PXDNL: variants seen among roughly 807,000 people sequenced by gnomAD.
The protein encoded by PXDNL is probable oxidoreductase PXDNL.
PXDNL carries 145 observed loss-of-function variants against 150.8 expected under a neutral mutation model. That is an observed-to-expected ratio of 0.96 (90% CI 0.84 to 1.10). The LOEUF is 1.10. Among genes scored for constraint, PXDNL ranks in the 50% least tolerant of loss-of-function variants. The probability of loss-of-function intolerance (pLI) is 0.00; values close to 1 mark genes in which losing one functional copy is unlikely to be tolerated. For synonymous variants in PXDNL, 757 were observed against 725.7 expected (o/e 1.04, Z -0.69); for missense variants, 2,087 against 1,873.9 (o/e 1.11, Z -2.10).
At chr8:51,634,725 A>AT in intron 2 of PXDNL, among the ~76,000 whole-genome samples, 1 of 151,576 alleles carries the variant, frequency 6.6e-6, no homozygotes, top group South Asian at 2.1e-4. Flanking sequence ...TACATATTTT[A>AT]TTTTTTTGTG....
rs542266500 is a variant in PXDNL at position 51,470,561 on chromosome 8, G to A, written c.812+1626C>T. Among the ~76,000 whole-genome samples the A allele has an allele frequency of 1.0e-3, 154 of 152,120 alleles. 1 individual carries two copies. The highest frequency in any genetic ancestry group is 6.2e-4 in the South Asian group (3 of 4,824). ...ATAATATAATTGTCCAAGTGCTATCGTTGAATTGTATTAGGTATATAGTGC... is the reference window on the plus strand; with the variant it reads ...ATAATATAATTGTCCAAGTGCTATCATTGAATTGTATTAGGTATATAGTGC... On this transcript the variant is annotated intron_variant, in intron 8 of 22. Transcript: ENST00000356297.
At chr8:51,423,487 G>T in intron 14 of PXDNL, 88 bp downstream of exon 14, 2 of 1,066,214 alleles carry the variant, frequency 1.9e-6, no homozygotes, top group Non-Finnish European at 2.7e-6. Flanking sequence ...AAGAGAGCAT[G>T]ATTAGTGAGA....
intron 17 of PXDNL, among the ~76,000 whole-genome samples, chr8:51,390,197 G>T (rs1242760632): frequency 6.6e-6 from 1 of 152,176 alleles, no homozygotes; most frequent in Admixed American, 6.5e-5. Flanking sequence ...GAAAGTAAAT[G>T]TTGACTCAAT....
At chr8:51,752,062 C>T (rs532793452) in intron 1 of PXDNL, among the ~76,000 whole-genome samples, 13 of 152,304 alleles carry the variant, frequency 8.5e-5, no homozygotes, top group East Asian at 7.7e-4. Flanking sequence ...GGCTTATACA[C>T]GTTCTAAACT....
chr8:51,791,442 G>A (rs539250867), intron 1 of PXDNL, among the ~76,000 whole-genome samples: 2 of 152,132 alleles, frequency 1.3e-5, no homozygotes, highest in African/African-American at 2.4e-5. Flanking sequence ...AACAAACAAC[G>A]GCTCAGAGCT....
chr8:51,770,425 G>A (rs768012743), intron 1 of PXDNL, among the ~76,000 whole-genome samples: 1 of 152,190 alleles, frequency 6.6e-6, no homozygotes, highest in Non-Finnish European at 1.5e-5. Context: ...TAGCTGGAGG[G>A]GCTCAGCATG....
intron 5 of PXDNL, among the ~76,000 whole-genome samples, chr8:51,499,208 C>G (rs1327871565): frequency 6.6e-6 from 1 of 152,232 alleles, no homozygotes; most frequent in African/African-American, 2.4e-5. Flanking sequence ...CGGCTCACTG[C>G]AACCTACGCC....
chr8:51,682,697 G>A (rs905346643), intron 1 of PXDNL, among the ~76,000 whole-genome samples: 12 of 152,112 alleles, frequency 7.9e-5, no homozygotes, highest in African/African-American at 2.4e-5. Flanking sequence ...TGCTTTTTCA[G>A]TAAGAAGCTC....
At chr8:51,673,950 A>T (rs148914180) in intron 1 of PXDNL, among the ~76,000 whole-genome samples, 128 of 152,358 alleles carry the variant, frequency 8.4e-4, no homozygotes, top group African/African-American at 3.0e-3. Flanking sequence ...TTAAATAAGA[A>T]CTTAAGAAGT....
At chr8:51,552,507 A>G (rs1812513526) in intron 4 of PXDNL, among the ~76,000 whole-genome samples, 1 of 152,232 alleles carries the variant, frequency 6.6e-6, no homozygotes, top group Non-Finnish European at 1.5e-5. Context: ...AGCCATAAAA[A>G]TGAATGAAAT....
intron 3 of PXDNL, among the ~76,000 whole-genome samples, chr8:51,562,160 A>G (rs1402521010): frequency 2.0e-5 from 3 of 151,676 alleles, no homozygotes; most frequent in Admixed American, 2.0e-4. Context: ...AATTTTAAAG[A>G]AATAAATCAA....
intron 19 of PXDNL, among the ~76,000 whole-genome samples, chr8:51,368,694 C>T (rs1806995288): frequency 6.6e-6 from 1 of 152,046 alleles, no homozygotes; most frequent in Non-Finnish European, 1.5e-5. Flanking sequence ...TAGGATAATG[C>T]CAGTTAAAAC....
intron 11 of PXDNL, 82 bp downstream of exon 11, chr8:51,448,920 A>G (rs532358701): frequency 5.7e-4 from 436 of 760,708 alleles, no homozygotes; most frequent in South Asian, 1.1e-3. Context: ...ACCTTCGATA[A>G]TTAATTTAAA....
intron 20 of PXDNL, among the ~76,000 whole-genome samples, chr8:51,341,603 C>T (rs1035217607): frequency 6.6e-6 from 1 of 152,138 alleles, no homozygotes; most frequent in African/African-American, 2.4e-5. Flanking sequence ...ACTCATTGAG[C>T]AACAATTCTC....
intron 19 of PXDNL, among the ~76,000 whole-genome samples, chr8:51,355,269 A>G (rs986674568): frequency 2.0e-5 from 3 of 152,204 alleles, no homozygotes; most frequent in Non-Finnish European, 4.4e-5. Flanking sequence ...TTAAACTTTC[A>G]TTAGTTCACA....
chr8:51,402,531 T>C lies in PXDNL; in HGVS notation c.3557+5536A>G, dbSNP rs1030957380. Among the ~76,000 whole-genome samples the C allele has an allele frequency of 2.0e-5, 3 of 151,950 alleles. No homozygotes were observed. In the South Asian group the frequency reaches 6.2e-4, roughly 32 times the overall value. On this transcript the variant is annotated intron_variant, in intron 17 of 22. Transcript: ENST00000356297. ...AAGACTCCGTCTCAAAATAAATAAA[T>C]AAATAAAGCCGAGGCAGTTACACAT...
chr8:51,565,570 A>AG (rs1269272663), intron 3 of PXDNL, among the ~76,000 whole-genome samples: 1 of 151,806 alleles, frequency 6.6e-6, no homozygotes, highest in Non-Finnish European at 1.5e-5. Context: ...TATAAAAAAA[A>AG]GATTCCAAGT....
At chr8:51,798,032 A>G (rs1415213101) in intron 1 of PXDNL, among the ~76,000 whole-genome samples, 2 of 152,224 alleles carry the variant, frequency 1.3e-5, no homozygotes, top group Admixed American at 1.3e-4. Context: ...ACACATCTAC[A>G]ATCAGCTGAT....
At chr8:51,656,675 T>A (rs1448613761) in intron 1 of PXDNL, among the ~76,000 whole-genome samples, 7 of 152,110 alleles carry the variant, frequency 4.6e-5, no homozygotes, top group Non-Finnish European at 8.8e-5. Context: ...TTCTGAAAAA[T>A]TCAGAAAAGT....
Sources: allele counts gnomAD v4.1 joint callset (sites outside exome capture counted in the v4.1 genomes callset), GRCh38; gene constraint gnomAD v4.1.1; transcripts MANE v1.5; gene names NCBI Gene and HGNC (gene_info 2026-07-23, HGNC 2026-07-21).